The following SPOCK1 variants were observed in gnomAD, a reference collection of about 807,000 sequenced individuals.
SPOCK1 encodes the protein SPARC (osteonectin), cwcv and kazal like domains proteoglycan 1, also known as testican-1.
A neutral mutation model predicts 55.3 loss-of-function variants in SPOCK1; 23 were observed. That is an observed-to-expected ratio of 0.42 (90% CI 0.30 to 0.59). SPOCK1 has a LOEUF of 0.59. SPOCK1 is among the 20% of genes least tolerant of loss of function. The pLI is 0.22. For missense variants in SPOCK1, 499 were observed against 552.5 expected, an observed-to-expected ratio of 0.90 and a Z score of 0.97; for synonymous variants, 226 against 221.0, an observed-to-expected ratio of 1.02 and a Z score of -0.20.
In SPOCK1 at chr5:136,978,640, C is replaced by T. The variant is rs1750662942; in HGVS notation, c.*14G>A. ...CAATTTTGTGCAAAACTTGTGTCCT[C>T]TTTCTTGTGGGCACTACCATATGTA... On this transcript the variant is annotated 3_prime_UTR_variant, in exon 11 of 11. Coordinates refer to ENST00000394945, the MANE Select transcript of SPOCK1 (RefSeq NM_004598.4). 3 of 1,578,844 alleles carry T rather than the reference C, an allele frequency of 1.9e-6. No homozygotes were observed. The highest frequency in any genetic ancestry group is 2.6e-6 in the Non-Finnish European group (3 of 1,165,110).
intron 3 of SPOCK1, among the ~76,000 whole-genome samples, chr5:137,209,697 C>T (rs943932934): frequency 6.6e-6 from 1 of 152,200 alleles, no homozygotes; most frequent in African/African-American, 2.4e-5. Context: ...GAACCCAACC[C>T]TTTCGCCTAA....
chr5:136,975,855 T>A lies in SPOCK1; in HGVS notation c.*2799A>T, dbSNP rs2126954631. ...CCATGGTGGAACAAAATTCTGGGAT[T>A]TAAGTTGGATACCAAGGAAATTGTA... On this transcript the variant is annotated 3_prime_UTR_variant, in exon 11 of 11. Coordinates refer to ENST00000394945, the MANE Select transcript of SPOCK1 (RefSeq NM_004598.4). 6.6e-6 allele frequency: 1 copy of A among 152,354 alleles called. No individual in the cohort carries two copies. The highest frequency in any genetic ancestry group is 1.9e-4 in the East Asian group (1 of 5,190). 9.4% of individuals were successfully genotyped at this position (152,354 alleles called of 1,614,324 possible).
chr5:137,418,740 A>G (rs923263388), intron 2 of SPOCK1, among the ~76,000 whole-genome samples: 9 of 152,226 alleles, frequency 5.9e-5, no homozygotes, highest in South Asian at 2.1e-4. Flanking sequence ...ATTTTCTCCC[A>G]TTCTGTAGGT....
At chr5:137,343,885 T>C (rs1462286934) in intron 2 of SPOCK1, among the ~76,000 whole-genome samples, 1 of 152,176 alleles carries the variant, frequency 6.6e-6, no homozygotes. Context: ...AGGTCACCTC[T>C]GGGAAACCCA....
intron 2 of SPOCK1, among the ~76,000 whole-genome samples, chr5:137,296,453 G>A (rs1329749408): frequency 6.6e-6 from 1 of 152,202 alleles, no homozygotes; most frequent in African/African-American, 2.4e-5. Context: ...TGGAGAGGCT[G>A]GGATGGGTGA....
chr5:136,983,445 A>G (rs145242726), intron 9 of SPOCK1, among the ~76,000 whole-genome samples: 311 of 152,294 alleles, frequency 2.0e-3, no homozygotes, highest in Non-Finnish European at 2.7e-3. Context: ...AGTGGTATCC[A>G]CCCTCTCATT....
At chr5:137,281,857 C>T (rs1757170762) in intron 2 of SPOCK1, among the ~76,000 whole-genome samples, 1 of 152,236 alleles carries the variant, frequency 6.6e-6, no homozygotes, top group South Asian at 2.1e-4. Context: ...CACCTCTCTT[C>T]ACAAAACTCA....
intron 2 of SPOCK1, among the ~76,000 whole-genome samples, chr5:137,463,791 T>C (rs7710048): frequency 0.23 from 34,478 of 150,870 alleles, 4,128 homozygotes; most frequent in Admixed American, 0.33. Context: ...CTACTAAAAA[T>C]AGAAAAATTA....
At chr5:137,066,662 G>A (rs1179009714) in intron 6 of SPOCK1, among the ~76,000 whole-genome samples, 1 of 152,136 alleles carries the variant, frequency 6.6e-6, no homozygotes, top group Non-Finnish European at 1.5e-5. Context: ...ATAACTAAAT[G>A]AATCAGGCCT....
intron 2 of SPOCK1, among the ~76,000 whole-genome samples, chr5:137,292,004 G>A (rs1051322020): frequency 7.2e-5 from 11 of 152,240 alleles, no homozygotes; most frequent in Admixed American, 2.0e-4. Flanking sequence ...TCCCAGTCAT[G>A]TGATAAAAGC....
At chr5:137,157,251 A>G (rs1754433996) in intron 3 of SPOCK1, among the ~76,000 whole-genome samples, 1 of 152,244 alleles carries the variant, frequency 6.6e-6, no homozygotes, top group African/African-American at 2.4e-5. Flanking sequence ...GACAATTTGG[A>G]TGGGAATGCT....
chr5:137,238,207 G>T (rs983657452), intron 3 of SPOCK1, among the ~76,000 whole-genome samples: 1 of 152,154 alleles, frequency 6.6e-6, no homozygotes, highest in Non-Finnish European at 1.5e-5. Context: ...GTTAACTAAT[G>T]ACTGTTATCA....
chr5:137,375,573 C>A (rs186636725), intron 2 of SPOCK1, among the ~76,000 whole-genome samples: 1 of 152,052 alleles, frequency 6.6e-6, no homozygotes, highest in Admixed American at 6.5e-5. Flanking sequence ...TTTTTCTGTA[C>A]GTGTATTATA....
At chr5:137,472,267 TCCCCATCACACTATCTTCTCTTCAACTC>T (rs1208088396) in intron 2 of SPOCK1, among the ~76,000 whole-genome samples, 5 of 151,806 alleles carry the variant, frequency 3.3e-5, no homozygotes, top group Admixed American at 6.6e-5. Flanking sequence ...ACAGGAGCAA[TCCCCATCACACTATCTTCTCTTCAACTC>T]CCCCATCACC....
intron 6 of SPOCK1, among the ~76,000 whole-genome samples, chr5:137,001,322 A>G (rs2126968958): frequency 6.6e-6 from 1 of 152,340 alleles, no homozygotes; most frequent in Non-Finnish European, 1.5e-5. Flanking sequence ...ATAGAAAAGT[A>G]TAGGAATCAA....
chr5:136,988,528 C>T lies in SPOCK1; in HGVS notation c.822G>A (p.Leu274=). 3.7e-6 allele frequency: 6 copies of T among 1,614,108 alleles called. No homozygotes were observed. Among genetic ancestry groups the T allele is most frequent in the Non-Finnish European group, 5.1e-6 (6 of 1,179,994 alleles). The change falls in exon 8 of 11, where the codon CTG becomes CTA. Residue 274 remains leucine (L), a synonymous_variant. Transcript: ENST00000394945. ...LDPSEINAIY[L]DKYEPCIKPL... is the part of the protein sequence containing the mutation. ...GCTTGATACAGGGCTCGTACTTATC[C>T]AGGTAGATGGCATTGATCTCTGAAG...
intron 2 of SPOCK1, among the ~76,000 whole-genome samples, chr5:137,413,320 G>A (rs1042635528): frequency 4.6e-5 from 7 of 152,048 alleles, no homozygotes; most frequent in South Asian, 4.2e-4. Context: ...CTCTTTCACT[G>A]ATGACAAGCA....
chr5:137,178,558 G>C (rs1241122808), intron 3 of SPOCK1, among the ~76,000 whole-genome samples: 1 of 152,234 alleles, frequency 6.6e-6, no homozygotes, highest in African/African-American at 2.4e-5. Context: ...CTGAATACCA[G>C]AGCAAGAAGT....
At chr5:137,431,485 T>C (rs1752741950) in intron 2 of SPOCK1, among the ~76,000 whole-genome samples, 1 of 152,176 alleles carries the variant, frequency 6.6e-6, no homozygotes, top group Non-Finnish European at 1.5e-5. Flanking sequence ...GATTTGGATA[T>C]GGTTTGTTTG....
Sources: gnomAD v4.1 joint callset for allele counts (sites outside exome capture counted in the v4.1 genomes callset) on GRCh38, gnomAD v4.1.1 for gene constraint, MANE v1.5 for transcripts, NCBI Gene and HGNC (gene_info 2026-07-23, HGNC 2026-07-21) for gene names.